The following POLR3E variants were observed in gnomAD, a reference collection of about 807,000 sequenced individuals.
POLR3E encodes RNA polymerase III subunit E, also known as DNA-directed RNA polymerase III subunit RPC5.
Under a neutral mutation model 96.6 loss-of-function variants are expected in POLR3E, and 41 were observed. That is an observed-to-expected ratio of 0.42 (90% CI 0.33 to 0.55). The LOEUF is 0.55. Among genes scored for constraint, POLR3E ranks in the 20% least tolerant of loss-of-function variants. The pLI, the probability that POLR3E is intolerant of heterozygous loss-of-function variation, is 0.06. For synonymous variants in POLR3E, 396 were observed against 383.6 expected, an observed-to-expected ratio of 1.03 and a Z score of -0.38; for missense variants, 849 against 952.1, an observed-to-expected ratio of 0.89 and a Z score of 1.43.
rs1464824463 is a variant in POLR3E, at chr16:22,334,675, T to G, written c.*975T>G. On this transcript the variant is annotated 3_prime_UTR_variant, in exon 21 of 21. Coordinates refer to ENST00000299853, the MANE Select transcript of POLR3E (RefSeq NM_018119.4). Reference sequence around the variant, plus strand: ...CTAAAACATCAACATAAGGTAAAAGTCTTCAAAATCTGGCATTTTACACTT... The same window carrying G: ...CTAAAACATCAACATAAGGTAAAAGGCTTCAAAATCTGGCATTTTACACTT... 6.6e-6 allele frequency: 1 copy of G among 152,186 alleles called. No individual in the cohort carries two copies. The highest frequency in any genetic ancestry group is 1.5e-5 in the Non-Finnish European group (1 of 68,028). 9.4% of individuals were successfully genotyped at this position (152,186 alleles called of 1,614,324 possible). A position where few individuals can be genotyped will look rare whatever the true frequency, so the allele number is the denominator to read the frequency against.
In POLR3E at chr16:22,317,039, A is replaced by T; in HGVS notation, c.773A>T (p.Lys258Ile). The change falls in exon 11 of 21, where the codon AAA (lysine) becomes ATA (isoleucine). Residue 258 changes from lysine to isoleucine, a missense_variant and splice_region_variant. Physicochemically the swap from Lys to Ile is moderately radical, Grantham distance 102 (BLOSUM62 -3). Transcript: ENST00000299853. ...ATGCCACCCAGCCAGGAGGAGGAGAAGTGAGTAGAGGCGGCAGGACACCCT... is the reference window on the plus strand; with the variant it reads ...ATGCCACCCAGCCAGGAGGAGGAGATGTGAGTAGAGGCGGCAGGACACCCT... ...MLMPPSQEEE[K>I]DKPVAPSNVL... The T allele has an allele frequency of 6.2e-7, 1 of 1,614,120 alleles. No homozygotes were observed. The highest frequency in any genetic ancestry group is 1.7e-5 in the Admixed American group (1 of 60,028).
chr16:22,329,882 G>A (rs1209078608), intron 19 of POLR3E, among the ~76,000 whole-genome samples: 2 of 151,742 alleles, frequency 1.3e-5, no homozygotes, highest in Admixed American at 6.6e-5. Flanking sequence ...TCCTGCCTCA[G>A]CCTCCCAAAG....
rs2048536903 is a variant in POLR3E at position 22,324,487 on chromosome 16, G to GC, written c.1129-11dup. On this transcript the variant is annotated splice_polypyrimidine_tract_variant and intron_variant, in intron 15 of 20. Transcript: ENST00000299853. ...GGGGGCTGGCTGTGCCTCACGCTGG[G>GC]CCCCCTCCCCTCCAGCTCTGCGCCG... 1 of 1,610,326 alleles carries GC rather than the reference G, an allele frequency of 6.2e-7. No individual in the cohort carries two copies. Among genetic ancestry groups the GC allele is most frequent in the Non-Finnish European group, 8.5e-7 (1 of 1,178,316 alleles).
At position 22,330,149 on chromosome 16, in the gene POLR3E, C is replaced by T. The variant is rs75854270; in HGVS notation, c.1944+1562C>T. Among the ~76,000 whole-genome samples the T allele has an allele frequency of 4.6e-5, 7 of 152,004 alleles. No individual in the cohort carries two copies. In the South Asian group the frequency reaches 8.3e-4, roughly 18 times the overall value. On this transcript the variant is annotated intron_variant, in intron 19 of 20. Transcript: ENST00000299853. ...AGTGCAGTGGTGCCATCTCAGCTCA[C>T]GCCTCTTGCGTTCAAGCGATTCTTG...
intron 19 of POLR3E, chr16:22,331,767 C>CT (rs1567334982): frequency 4.2e-6 from 1 of 240,144 alleles, no homozygotes; most frequent in African/African-American, 2.3e-5. Context: ...GCCACTCATC[C>CT]TCTCATGTCT....
At chr16:22,312,028 T>A (rs1409932883) in intron 6 of POLR3E, among the ~76,000 whole-genome samples, 8 of 152,158 alleles carry the variant, frequency 5.3e-5, no homozygotes. Flanking sequence ...AAGTGATGTG[T>A]GGCTGTATGT....
At position 22,328,521 on chromosome 16, in the gene POLR3E, G is replaced by A; in HGVS notation, c.1878G>A (p.Gln626=). The A allele has an allele frequency of 6.2e-7, 1 of 1,614,034 alleles. No individual in the cohort carries two copies. The highest frequency in any genetic ancestry group is 8.5e-7 in the Non-Finnish European group (1 of 1,179,932). ...TGGGCCTTGGTCAGTTTCCCCCCCA[G>A]ACTGCTGCTTCCCCGGATGAGCAGA... The part of the protein sequence containing the change: ...CKQILVPFPP[Q]TAASPDEQKV... Residue 626 remains glutamine (Q), a synonymous_variant, in exon 19 of 21, where the codon CAG becomes CAA. Transcript: ENST00000299853.
Position 22,306,194 on chromosome 16 carries a change from CATG to C in POLR3E, c.87+992_87+994del, listed in dbSNP as rs2048129147. 4.6e-5 allele frequency among the ~76,000 whole-genome samples: 7 copies of C among 152,310 alleles called. No individual in the cohort carries two copies. In the South Asian group the frequency reaches 1.5e-3, roughly 32 times the overall value. On this transcript the variant is annotated intron_variant, in intron 3 of 20. Transcript: ENST00000299853. ...GCTGTGATTGGCTGCTCTCACTTTG[CATG>C]ATGTTTTCAGGGCTCATCCACATGG... is the stretch of plus-strand genomic sequence containing the variant.
chr16:22,327,836 T>C (rs1174874011), intron 18 of POLR3E: 3 of 152,246 alleles, frequency 2.0e-5, no homozygotes, highest in Non-Finnish European at 4.4e-5. Flanking sequence ...CAAATGCAAA[T>C]GTGTATTGGA....
Position 22,332,044 on chromosome 16 carries a change from G to C in POLR3E, c.1945-16G>C, listed in dbSNP as rs758370830. ...AGATCACTGTTTCCCATCATAACGT[G>C]TTTTTGCTACTAAAGCATCGACAGG... On this transcript the variant is annotated splice_polypyrimidine_tract_variant and intron_variant, in intron 19 of 20. Coordinates refer to ENST00000299853, the MANE Select transcript of POLR3E (RefSeq NM_018119.4). 1 of 1,611,974 alleles carries C rather than the reference G, an allele frequency of 6.2e-7. No homozygotes were observed. The highest frequency in any genetic ancestry group is 8.5e-7 in the Non-Finnish European group (1 of 1,178,960).
intron 2 of POLR3E, 60 bp from the exon 3 acceptor site, chr16:22,305,096 G>T: frequency 1.5e-6 from 2 of 1,355,596 alleles, no homozygotes; most frequent in South Asian, 2.3e-5. Context: ...CGCTGGCATA[G>T]CCCGGGGAGG....
Position 22,322,079 on chromosome 16 carries a change from C to T in POLR3E, c.987-771C>T, listed in dbSNP as rs527825754. ...TCAGCACACACTTAATAGGTACCTT[C>T]GCTGTGGTGGCAGCGATGAGCCACA... On this transcript the variant is annotated intron_variant, in intron 13 of 20. Transcript: ENST00000299853. The surrounding 1 kb of genome is among the most constrained non-coding windows in gnomAD (Gnocchi z 5.2). Among the ~76,000 whole-genome samples the T allele has an allele frequency of 6.6e-5, 10 of 152,306 alleles. No individual in the cohort carries two copies. The highest frequency in any genetic ancestry group is 2.6e-4 in the Admixed American group (4 of 15,310).
intron 5 of POLR3E, 103 bp downstream of exon 5, chr16:22,309,143 C>A: frequency 1.3e-6 from 1 of 774,548 alleles, no homozygotes; most frequent in Non-Finnish European, 2.1e-6. Flanking sequence ...ACTGGGCTCC[C>A]CACCAGTGTC....
intron 1 of POLR3E, among the ~76,000 whole-genome samples, chr16:22,298,449 G>A (rs1052476918): frequency 4.6e-5 from 7 of 152,106 alleles, no homozygotes; most frequent in Non-Finnish European, 8.8e-5. Flanking sequence ...CTCCTTCCCC[G>A]CAGGGGTCTG....
In POLR3E at chr16:22,333,894, A is replaced by G; in HGVS notation, c.*194A>G. On this transcript the variant is annotated 3_prime_UTR_variant, in exon 21 of 21. Transcript: ENST00000299853. ...CGCAGGGTCAGCTTAAGTTAGTTAG[A>G]TCACTCCCAGAAGAGACCAGCTGGG... 1.9e-6 allele frequency: 1 copy of G among 538,640 alleles called. No homozygotes were observed. The highest frequency in any genetic ancestry group is 3.4e-6 in the Non-Finnish European group (1 of 298,428). 33.4% of individuals were successfully genotyped at this position (538,640 alleles called of 1,614,324 possible).
At chr16:22,298,875 G>T in intron 1 of POLR3E, 2 of 439,622 alleles carry the variant, frequency 4.5e-6, no homozygotes, top group East Asian at 7.1e-5. Flanking sequence ...GAGAGAACCA[G>T]CACTGGATTT....
chr16:22,312,513 T>C (rs746534897), intron 6 of POLR3E, among the ~76,000 whole-genome samples: 2 of 151,606 alleles, frequency 1.3e-5, no homozygotes, highest in African/African-American at 4.8e-5. Flanking sequence ...ATACATTGAT[T>C]AGTATGCCTT....
Position 22,315,205 on chromosome 16 carries a change from G to C in POLR3E, c.639G>C (p.Leu213=). ...GGGTCCACCTGCATTACTATGGCCTGAGGGTGAGCGGGGCTTCGTGGGGTC... is the reference window on the plus strand; with the variant it reads ...GGGTCCACCTGCATTACTATGGCCTCAGGGTGAGCGGGGCTTCGTGGGGTC... The part of the protein sequence containing the change: ...EPWVHLHYYG[L]RDSRSEHERQ... Residue 213 remains leucine, a synonymous_variant, in exon 9 of 21, where the codon CTG becomes CTC. Transcript: ENST00000299853. 1.9e-6 allele frequency: 3 copies of C among 1,588,168 alleles called. No individual in the cohort carries two copies. Among genetic ancestry groups the C allele is most frequent in the South Asian group, 1.1e-5 (1 of 87,726 alleles).
At chr16:22,324,715 C>G (rs1356994382) in intron 16 of POLR3E, 55 bp downstream of exon 16, 1 of 1,561,144 alleles carries the variant, frequency 6.4e-7, no homozygotes, top group African/African-American at 1.4e-5. Flanking sequence ...ACCCTGCATC[C>G]TGGGGAGCAC....
Sources: gnomAD v4.1 joint callset for allele counts (sites outside exome capture counted in the v4.1 genomes callset) on GRCh38, gnomAD v4.1.1 for gene constraint, Gnocchi (gnomAD v3.1) non-coding constraint, MANE v1.5 for transcripts, NCBI Gene and HGNC (gene_info 2026-07-23, HGNC 2026-07-21) for gene names.